Variants in ACOX1 observed in about 807,000 individuals in gnomAD.
The protein encoded by ACOX1 is acyl-CoA oxidase 1.
In ACOX1, 41 loss-of-function variants were observed where a neutral mutation model predicts 75.5. The ratio of observed to expected loss-of-function variants is 0.54; its 90% confidence interval spans 0.42 to 0.70. The LOEUF is 0.70. Among genes scored for constraint, ACOX1 ranks in the 30% least tolerant of loss-of-function variants. ACOX1 has a pLI of 0.00. For missense variants in ACOX1, 630 were observed against 837.5 expected (o/e 0.75, Z 3.06); for synonymous variants, 303 against 298.8 (o/e 1.01, Z -0.15).
intron 2 of ACOX1, among the ~76,000 whole-genome samples, chr17:75,965,337 C>CAAAAAAAAAAAA (rs11293371): frequency 7.3e-5 from 6 of 81,708 alleles, no homozygotes; most frequent in African/African-American, 2.4e-4. Flanking sequence ...GACTCTGTCT[C>CAAAAAAAAAAAA]AAAAAAAAAA....
intron 3 of ACOX1, 48 bp from the exon 4 acceptor site, chr17:75,957,614 A>T (rs763821102): frequency 6.1e-6 from 9 of 1,479,094 alleles, no homozygotes; most frequent in Non-Finnish European, 8.5e-6. Flanking sequence ...GGGGAAAAAA[A>T]TAGGCACAAG....
chr17:75,959,872 T>C (rs1012921037), intron 3 of ACOX1, among the ~76,000 whole-genome samples: 5 of 152,258 alleles, frequency 3.3e-5, no homozygotes, highest in Admixed American at 6.5e-5. Flanking sequence ...GGTAATCAGA[T>C]AGTAATGAAG....
intron 2 of ACOX1, among the ~76,000 whole-genome samples, chr17:75,969,608 A>C (rs1401518944): frequency 6.6e-6 from 1 of 152,212 alleles, no homozygotes; most frequent in African/African-American, 2.4e-5. Flanking sequence ...TGTTAAGCCT[A>C]GGGAGAGAGG....
At position 75,949,811 on chromosome 17, in the gene ACOX1, C is replaced by A. The variant is rs760616575; in HGVS notation, c.1385G>T (p.Arg462Leu). ...VSYLNDLPSQ[R>L]IQPQQVAVWP... ...GACTGCTACCTGCTGTGGCTGGATG[C>A]GCTGACTGGGCAGGTCGTTCAAATA... The change falls in exon 10 of 14, where the codon CGC becomes CTC. Residue 462 changes from arginine (R) to leucine (L), a missense_variant. This residue lies in a region of ACOX1 where 240 missense variants were observed against 262.7 expected (regional missense o/e 0.91). Coordinates refer to ENST00000293217, the MANE Select transcript of ACOX1 (RefSeq NM_004035.7). The A allele has an allele frequency of 5.6e-6, 9 of 1,614,044 alleles. No individual in the cohort carries two copies. The highest frequency in any genetic ancestry group is 2.2e-5 in the East Asian group (1 of 44,900).
chr17:75,947,975 C>T (rs2065737385), intron 13 of ACOX1, among the ~76,000 whole-genome samples: 1 of 152,120 alleles, frequency 6.6e-6, no homozygotes, highest in Non-Finnish European at 1.5e-5. Context: ...CACTCGGCCT[C>T]CCACAGTGCT....
Position 75,944,324 on chromosome 17 carries a change from T to G in ACOX1, c.*2424A>C, listed in dbSNP as rs2065700629. 6.6e-6 allele frequency: 1 copy of G among 152,226 alleles called. No individual in the cohort carries two copies. Among genetic ancestry groups the G allele is most frequent in the Non-Finnish European group, 1.5e-5 (1 of 68,034 alleles). The allele number at this position is 152,226 out of a possible 1,614,324, so 9.4% of individuals were successfully genotyped here. A position where few individuals can be genotyped will look rare whatever the true frequency, so the allele number is the denominator to read the frequency against. On this transcript the variant is annotated 3_prime_UTR_variant, in exon 14 of 14. Coordinates refer to ENST00000293217, the MANE Select transcript of ACOX1 (RefSeq NM_004035.7). ...CTTGTGAAAATGGCTTACAAAATTT[T>G]GAATCCAACAGACCCAAACTTGTCA... is the stretch of plus-strand genomic sequence containing the variant.
chr17:75,977,634 A>T (rs1281382316), intron 2 of ACOX1, among the ~76,000 whole-genome samples: 1 of 152,212 alleles, frequency 6.6e-6, no homozygotes, highest in African/African-American at 2.4e-5. Flanking sequence ...ACTCTCTTCC[A>T]CACTAGAACC....
intron 3 of ACOX1, among the ~76,000 whole-genome samples, chr17:75,958,703 G>A (rs912036219): frequency 4.6e-5 from 7 of 151,738 alleles, no homozygotes; most frequent in Non-Finnish European, 1.0e-4. Flanking sequence ...AGCTACTCGG[G>A]AGGCTGAGGC....
intron 2 of ACOX1, among the ~76,000 whole-genome samples, chr17:75,972,327 CAAA>C (rs58820718): frequency 2.9e-4 from 32 of 110,936 alleles, no homozygotes; most frequent in Admixed American, 2.9e-4. Flanking sequence ...ACTCTGTCTC[CAAA>C]AAAAAAAAAA....
chr17:75,977,734 T>C (rs1036131234), intron 2 of ACOX1, among the ~76,000 whole-genome samples: 10 of 152,082 alleles, frequency 6.6e-5, no homozygotes, highest in Admixed American at 5.9e-4. Context: ...TCTTAGACTT[T>C]CTATTCATTC....
At position 75,955,662 on chromosome 17, in the gene ACOX1, G is replaced by A. The variant is rs574074846; in HGVS notation, c.678C>T (p.Ile226=). The change falls in exon 6 of 14, where the codon ATC becomes ATT. Residue 226 remains isoleucine, a synonymous_variant. Coordinates refer to ENST00000293217, the MANE Select transcript of ACOX1 (RefSeq NM_004035.7). ...KPLPGITVGD[I]GPKFGYDEID... ...TCTCATCATAACCAAATTTGGGGCC[G>A]ATGTCACCAACGGTAATTCCTACCA... 9.9e-6 allele frequency: 16 copies of A among 1,613,850 alleles called. No individual in the cohort carries two copies. Among genetic ancestry groups the A allele is most frequent in the Middle Eastern group, 1.6e-4 (1 of 6,084 alleles).
chr17:75,968,618 A>G (rs1410458315), intron 2 of ACOX1, among the ~76,000 whole-genome samples: 2 of 148,194 alleles, frequency 1.3e-5, no homozygotes, highest in East Asian at 2.0e-4. Flanking sequence ...AAAAAAAAAA[A>G]AAAAAAGAAA....
rs1341473346 is a variant in ACOX1, at chr17:75,979,057, C to A, written c.17G>T (p.Arg6Leu). 3 of 1,612,046 alleles carry A rather than the reference C, an allele frequency of 1.9e-6. No homozygotes were observed. Among genetic ancestry groups the A allele is most frequent in the African/African-American group, 1.3e-5 (1 of 75,064 alleles). The part of the protein sequence containing the change: MNPDL[R>L]RERDSASFNP... ...GAAGCTGGCGGAATCCCGCTCCCTGCGCAGGTCCGGGTTCATGGCGACGAC... is the reference window on the plus strand; with the variant it reads ...GAAGCTGGCGGAATCCCGCTCCCTGAGCAGGTCCGGGTTCATGGCGACGAC... Residue 6 changes from arginine (R) to leucine (L), a missense_variant, in exon 1 of 14, where the codon CGC becomes CTC. This residue lies in a region of ACOX1 where 390 missense variants were observed against 574.9 expected (regional missense o/e 0.68). Coordinates refer to ENST00000293217, the MANE Select transcript of ACOX1 (RefSeq NM_004035.7).
At position 75,970,184 on chromosome 17, in the gene ACOX1, CAAAAA is replaced by C. The variant is rs55762557; in HGVS notation, c.269+8345_269+8349del. 6.0e-3 allele frequency among the ~76,000 whole-genome samples: 417 copies of C among 69,088 alleles called. 11 individuals are homozygous for C. Among genetic ancestry groups the C allele is most frequent in the East Asian group, 0.021 (59 of 2,760 alleles). 45.3% of individuals were successfully genotyped at this position (69,088 alleles called of 152,430 possible). A position where few individuals can be genotyped will look rare whatever the true frequency, so the allele number is the denominator to read the frequency against. ...CAGCTTGGGCAACATGAGACTCCTT[CAAAAA>C]AAAAAAAAAAAAGAGGAAGGAAGGA... On this transcript the variant is annotated intron_variant, in intron 2 of 13. Transcript: ENST00000293217.
At chr17:75,957,008 T>TACACACACAC (rs1202955138) in intron 4 of ACOX1, among the ~76,000 whole-genome samples, 3 of 110,180 alleles carry the variant, frequency 2.7e-5, no homozygotes, top group African/African-American at 1.1e-4. Flanking sequence ...TATATATATA[T>TACACACACAC]ACACACACAC....
chr17:75,959,020 GT>G (rs2065865295), intron 3 of ACOX1, among the ~76,000 whole-genome samples: 1 of 152,192 alleles, frequency 6.6e-6, no homozygotes, highest in Non-Finnish European at 1.5e-5. Flanking sequence ...AGGATCTTAT[GT>G]TTTAAATCTT....
In ACOX1 at chr17:75,951,588, T is replaced by C. The variant is rs936156091; in HGVS notation, c.945-11A>G. 9.3e-6 allele frequency: 15 copies of C among 1,613,602 alleles called. No homozygotes were observed. In the African/African-American group the frequency reaches 9.3e-5, roughly 10 times the overall value. ...TGTGGTTCTGGTTCACTACGTGACA[T>C]AGAAAAAGAAAAAAAGTAGTAAGTA... On this transcript the variant is annotated splice_polypyrimidine_tract_variant and intron_variant, in intron 7 of 13. Transcript: ENST00000293217.
At chr17:75,952,055 A>G (rs574491953) in intron 7 of ACOX1, among the ~76,000 whole-genome samples, 17 of 152,238 alleles carry the variant, frequency 1.1e-4, no homozygotes, top group Middle Eastern at 3.4e-3. Context: ...TGCAAAGTCC[A>G]TATCTGTCCT....
At chr17:75,959,358 A>G (rs1447946949) in intron 3 of ACOX1, among the ~76,000 whole-genome samples, 1 of 152,248 alleles carries the variant, frequency 6.6e-6, no homozygotes, top group Non-Finnish European at 1.5e-5. Flanking sequence ...CAACTGAAAC[A>G]AATAGTATTC....
Sources: gnomAD v4.1 joint callset for allele counts (sites outside exome capture counted in the v4.1 genomes callset) on GRCh38, gnomAD v4.1.1 for gene constraint, gnomAD v4.1.1 regional missense constraint, MANE v1.5 for transcripts, NCBI Gene and HGNC (gene_info 2026-07-23, HGNC 2026-07-21) for gene names.